The following MYO3B variants were observed in gnomAD, a reference collection of about 807,000 sequenced individuals.
MYO3B encodes the protein myosin IIIB.
Under a neutral mutation model 174.6 loss-of-function variants are expected in MYO3B, and 156 were observed. The observed-to-expected ratio is 0.89, with a 90% CI of 0.78 to 1.02. The LOEUF is 1.02. MYO3B is among the 50% of genes least tolerant of loss of function. The probability of loss-of-function intolerance (pLI) is 0.00; values close to 1 mark genes in which losing one functional copy is unlikely to be tolerated. For missense variants in MYO3B, 1,632 were observed against 1,639.4 expected (o/e 1.00, Z 0.08); for synonymous variants, 563 against 569.1 (o/e 0.99, Z 0.15).
intron 32 of MYO3B, among the ~76,000 whole-genome samples, chr2:170,563,022 A>T (rs1213811481): frequency 8.1e-6 from 1 of 123,672 alleles, no homozygotes; most frequent in Non-Finnish European, 1.7e-5. Context: ...CAAAGTTGTA[A>T]AACATGCATA....
intron 22 of MYO3B, among the ~76,000 whole-genome samples, chr2:170,427,726 G>A (rs2094676139): frequency 6.6e-6 from 1 of 152,070 alleles, no homozygotes. Flanking sequence ...GTTTATACTA[G>A]GTTCTTTTAT....
At chr2:170,594,453 C>G (rs1369046008) in intron 32 of MYO3B, among the ~76,000 whole-genome samples, 1 of 152,202 alleles carries the variant, frequency 6.6e-6, no homozygotes, top group Non-Finnish European at 1.5e-5. Context: ...CTGAAGCCAG[C>G]TCTTCTAGTA....
At chr2:170,593,821 G>A (rs891359111) in intron 32 of MYO3B, among the ~76,000 whole-genome samples, 4 of 152,168 alleles carry the variant, frequency 2.6e-5, no homozygotes, top group African/African-American at 9.7e-5. Context: ...CACCTTAGTA[G>A]TCATTAGTCA....
chr2:170,323,240 A>C (rs2093841992), intron 7 of MYO3B, among the ~76,000 whole-genome samples: 1 of 152,236 alleles, frequency 6.6e-6, no homozygotes, highest in Non-Finnish European at 1.5e-5. Flanking sequence ...GCTAAATGAC[A>C]GAAAACACGT....
chr2:170,330,462 C>A (rs1159496681), intron 7 of MYO3B, among the ~76,000 whole-genome samples: 1 of 152,056 alleles, frequency 6.6e-6, no homozygotes, highest in African/African-American at 2.4e-5. Context: ...TAGAAAATTT[C>A]TTCTTTTAAG....
At chr2:170,307,533 T>C (rs929851638) in intron 7 of MYO3B, among the ~76,000 whole-genome samples, 1 of 152,182 alleles carries the variant, frequency 6.6e-6, no homozygotes, top group African/African-American at 2.4e-5. Context: ...ACTGTGAAAT[T>C]CTATTTTAGT....
At chr2:170,413,627 A>C (rs1452055384) in intron 22 of MYO3B, among the ~76,000 whole-genome samples, 2 of 152,120 alleles carry the variant, frequency 1.3e-5, no homozygotes, top group Non-Finnish European at 2.9e-5. Context: ...ATACTTTCAC[A>C]TTCTAGATTT....
At chr2:170,320,947 G>A (rs921851239) in intron 7 of MYO3B, among the ~76,000 whole-genome samples, 5 of 152,152 alleles carry the variant, frequency 3.3e-5, no homozygotes, top group Admixed American at 6.5e-5. Flanking sequence ...ACCAAGCTGG[G>A]TGCAGTGTCA....
At position 170,387,148 on chromosome 2, in the gene MYO3B, T is replaced by A; in HGVS notation, c.1417T>A (p.Ser473Thr). 1 of 1,614,060 alleles carries A rather than the reference T, an allele frequency of 6.2e-7. No individual in the cohort carries two copies. The highest frequency in any genetic ancestry group is 1.3e-5 in the African/African-American group (1 of 75,048). Residue 473 changes from serine to threonine, a missense_variant, in exon 14 of 35, where the codon TCC (serine) becomes ACC (threonine). Ser to Thr is a moderately conservative substitution (Grantham distance 58). Coordinates refer to ENST00000408978, the MANE Select transcript of MYO3B (RefSeq NM_138995.5). Reference sequence around the variant, plus strand: ...GAGAGAGAAAATTCTACAAGTCAACTCCCTGGTGGAAGCCTTTGGGAACTC... The same window carrying A: ...GAGAGAGAAAATTCTACAAGTCAACACCCTGGTGGAAGCCTTTGGGAACTC... ...TLREKILQVNSLVEAFGNSCT... is the reference protein window; with the variant it reads ...TLREKILQVNTLVEAFGNSCT...
chr2:170,535,498 G>A (rs1300461997), intron 30 of MYO3B, among the ~76,000 whole-genome samples: 2 of 152,168 alleles, frequency 1.3e-5, no homozygotes, highest in Non-Finnish European at 2.9e-5. Context: ...GTAGCCCCAG[G>A]TATCATTCAT....
chr2:170,605,484 G>A (rs1455951122), intron 32 of MYO3B, among the ~76,000 whole-genome samples: 2 of 152,144 alleles, frequency 1.3e-5, no homozygotes, highest in East Asian at 3.8e-4. Flanking sequence ...CCTGTGCTTA[G>A]CATGTCCAGA....
chr2:170,428,717 A>G (rs1018893602), intron 22 of MYO3B, among the ~76,000 whole-genome samples: 3 of 152,180 alleles, frequency 2.0e-5, no homozygotes, highest in Admixed American at 2.0e-4. Flanking sequence ...CATCTACACC[A>G]CATGCCTGGC....
intron 32 of MYO3B, among the ~76,000 whole-genome samples, chr2:170,627,981 AG>A (rs985478119): frequency 6.6e-6 from 1 of 152,148 alleles, no homozygotes; most frequent in African/African-American, 2.4e-5. Context: ...CCTCCCAGTT[AG>A]GCTACTCGGG....
chr2:170,243,242 T>A (rs1355991587), intron 7 of MYO3B, among the ~76,000 whole-genome samples: 1 of 152,254 alleles, frequency 6.6e-6, no homozygotes, highest in Non-Finnish European at 1.5e-5. Context: ...TTGGCTGGGC[T>A]TGCTCATGCA....
intron 32 of MYO3B, among the ~76,000 whole-genome samples, chr2:170,632,568 A>T (rs1006724614): frequency 2.0e-5 from 3 of 152,210 alleles, no homozygotes; most frequent in Non-Finnish European, 4.4e-5. Flanking sequence ...TCACAATTAA[A>T]AGAACTAGAG....
At chr2:170,378,459 G>T (rs1283631846) in intron 9 of MYO3B, among the ~76,000 whole-genome samples, 1 of 152,200 alleles carries the variant, frequency 6.6e-6, no homozygotes, top group East Asian at 1.9e-4. Flanking sequence ...TCACCTGTAA[G>T]CATGGAAAGA....
chr2:170,604,272 T>C (rs534128868), intron 32 of MYO3B, among the ~76,000 whole-genome samples: 5 of 152,318 alleles, frequency 3.3e-5, no homozygotes, highest in Admixed American at 2.0e-4. Flanking sequence ...TTTTTATTTT[T>C]ATTTTTGTTT....
chr2:170,339,734 C>T (rs1275696257), intron 8 of MYO3B, among the ~76,000 whole-genome samples: 1 of 152,178 alleles, frequency 6.6e-6, no homozygotes, highest in African/African-American at 2.4e-5. Flanking sequence ...CTGTTTGGTT[C>T]TGAAGCTTTG....
intron 25 of MYO3B, among the ~76,000 whole-genome samples, chr2:170,484,552 G>T (rs1251897446): frequency 6.6e-6 from 1 of 152,150 alleles, no homozygotes; most frequent in Non-Finnish European, 1.5e-5. Context: ...GGAGGCAGCA[G>T]TAGCAGTATC....
Sources: gnomAD v4.1 joint callset for allele counts (sites outside exome capture counted in the v4.1 genomes callset) on GRCh38, gnomAD v4.1.1 for gene constraint, MANE v1.5 for transcripts, NCBI Gene and HGNC (gene_info 2026-07-23, HGNC 2026-07-21) for gene names.